The following PRKCA variants were observed in gnomAD, a reference collection of about 807,000 sequenced individuals.
The protein encoded by PRKCA is protein kinase C alpha, also known as protein kinase C alpha type.
In PRKCA, 27 loss-of-function variants were observed where a neutral mutation model predicts 87.0. The observed-to-expected ratio is 0.31, with a 90% CI of 0.23 to 0.43. The LOEUF is 0.43. Among genes scored for constraint, PRKCA ranks in the 20% least tolerant of loss-of-function variants. The pLI, the probability that PRKCA is intolerant of heterozygous loss-of-function variation, is 1.00. For synonymous variants in PRKCA, 329 were observed against 311.1 expected (o/e 1.06, Z -0.61); for missense variants, 518 against 852.3 (o/e 0.61, Z 4.88).
intron 8 of PRKCA, among the ~76,000 whole-genome samples, chr17:66,720,518 T>A (rs539147974): frequency 6.6e-6 from 1 of 152,352 alleles, no homozygotes; most frequent in South Asian, 2.1e-4. Context: ...TGTGGCTTTC[T>A]GCTTCGAAAC....
At chr17:66,474,610 G>A (rs1023095137) in intron 2 of PRKCA, among the ~76,000 whole-genome samples, 17 of 152,188 alleles carry the variant, frequency 1.1e-4, no homozygotes, top group African/African-American at 4.1e-4. Flanking sequence ...AAAATGTGCT[G>A]CAGATATTGC....
At chr17:66,369,377 G>A (rs1908959772) in intron 2 of PRKCA, among the ~76,000 whole-genome samples, 1 of 152,076 alleles carries the variant, frequency 6.6e-6, no homozygotes, top group African/African-American at 2.4e-5. Context: ...GGCACCTGGG[G>A]AGGAGGAGGG....
chr17:66,619,769 T>C (rs1276524551), intron 3 of PRKCA, among the ~76,000 whole-genome samples: 1 of 152,120 alleles, frequency 6.6e-6, no homozygotes, highest in African/African-American at 2.4e-5. Context: ...TGTATTATCT[T>C]CCCTTTAAAC....
At chr17:66,558,818 G>A (rs974629302) in intron 3 of PRKCA, among the ~76,000 whole-genome samples, 7 of 152,106 alleles carry the variant, frequency 4.6e-5, no homozygotes, top group South Asian at 2.1e-4. Context: ...AGCAGCCGAC[G>A]GTGAAGGTCT....
chr17:66,741,904 T>C (rs1974166285), intron 12 of PRKCA, among the ~76,000 whole-genome samples, 183 bp downstream of exon 12: 1 of 152,188 alleles, frequency 6.6e-6, no homozygotes, highest in Admixed American at 6.5e-5. Flanking sequence ...TTCTGATTTC[T>C]AGACCGCAAA....
At chr17:66,649,642 A>G (rs1015992116) in intron 5 of PRKCA, among the ~76,000 whole-genome samples, 1 of 152,218 alleles carries the variant, frequency 6.6e-6, no homozygotes, top group African/African-American at 2.4e-5. Flanking sequence ...CTTATTAATT[A>G]GAGTCTCCTT....
chr17:66,747,367 G>A (rs1014762230), intron 13 of PRKCA, among the ~76,000 whole-genome samples: 9 of 152,334 alleles, frequency 5.9e-5, no homozygotes, highest in Non-Finnish European at 1.3e-4. Flanking sequence ...CACTGTGCCC[G>A]GCCCTGAAGT....
At chr17:66,451,114 A>G (rs549870477) in intron 2 of PRKCA, among the ~76,000 whole-genome samples, 2 of 152,300 alleles carry the variant, frequency 1.3e-5, no homozygotes, top group South Asian at 4.1e-4. Flanking sequence ...GACTCTATTA[A>G]CCAAGTAATA....
rs1408945921 is a variant in PRKCA at position 66,318,213 on chromosome 17, T to C, written c.205+12086T>C. The stretch of plus-strand genomic sequence containing the variant: ...CTTCAATCTGAATGGCACATTAATA[T>C]GGAAAACTTCTCTAGAATTCTGTTT... On this transcript the variant is annotated intron_variant, in intron 2 of 16. Coordinates refer to ENST00000413366, the MANE Select transcript of PRKCA (RefSeq NM_002737.3). Among the ~76,000 whole-genome samples, 3 of 152,366 alleles carry C rather than the reference T, an allele frequency of 2.0e-5. No individual in the cohort carries two copies. In the East Asian group the frequency reaches 5.8e-4, roughly 29 times the overall value.
At chr17:66,793,164 T>C (rs996461891) in intron 16 of PRKCA, among the ~76,000 whole-genome samples, 1 of 152,168 alleles carries the variant, frequency 6.6e-6, no homozygotes, top group Non-Finnish European at 1.5e-5. Context: ...AAGCACAATG[T>C]GAAGCATCCT....
chr17:66,479,652 CA>C (rs1376323075), intron 2 of PRKCA, among the ~76,000 whole-genome samples: 1 of 152,178 alleles, frequency 6.6e-6, no homozygotes, highest in African/African-American at 2.4e-5. Flanking sequence ...GGTACATATA[CA>C]CCATGGAATA....
intron 2 of PRKCA, among the ~76,000 whole-genome samples, chr17:66,349,447 T>C (rs531790071): frequency 1.4e-4 from 22 of 152,276 alleles, no homozygotes; most frequent in African/African-American, 5.3e-4. Flanking sequence ...TGTGTAGACC[T>C]GGCTTGGTGA....
At chr17:66,718,247 A>T (rs1035983845) in intron 8 of PRKCA, among the ~76,000 whole-genome samples, 1 of 152,200 alleles carries the variant, frequency 6.6e-6, no homozygotes, top group African/African-American at 2.4e-5. Flanking sequence ...TGATTCACAG[A>T]TGGCATCTTC....
chr17:66,509,006 G>GT lies in PRKCA; in HGVS notation c.288+12729dup, dbSNP rs200545593. On this transcript the variant is annotated intron_variant, in intron 3 of 16. Transcript: ENST00000413366. ...ACATTAGCTTGGGAGGGTAGTGCAG[G>GT]TTTTTTACAAGGGAGTGGCAGTTTT... 5.9e-3 allele frequency among the ~76,000 whole-genome samples: 899 copies of GT among 152,164 alleles called. 5 individuals carry two copies. Among genetic ancestry groups the GT allele is most frequent in the Middle Eastern group, 0.041 (12 of 294 alleles).
chr17:66,444,493 A>C (rs111488161), intron 2 of PRKCA, among the ~76,000 whole-genome samples: 3,027 of 152,260 alleles, frequency 0.02, 104 homozygotes, highest in African/African-American at 0.068. Flanking sequence ...CAATTCTCAG[A>C]GCTAGGCTGC....
intron 8 of PRKCA, among the ~76,000 whole-genome samples, chr17:66,723,541 T>G (rs1460199682): frequency 2.0e-5 from 3 of 151,252 alleles, no homozygotes; most frequent in African/African-American, 7.3e-5. Flanking sequence ...GGCAGGAGAA[T>G]CGCTTGAACC....
chr17:66,439,264 T>G (rs961803818), intron 2 of PRKCA, among the ~76,000 whole-genome samples: 2 of 152,136 alleles, frequency 1.3e-5, no homozygotes, highest in Non-Finnish European at 2.9e-5. Context: ...CACTGCAACC[T>G]CCGCCTCCCA....
At chr17:66,789,006 C>A in intron 16 of PRKCA, 27 bp downstream of exon 16, 1 of 1,613,414 alleles carries the variant, frequency 6.2e-7, no homozygotes, top group Non-Finnish European at 8.5e-7. Context: ...AGCCTGTTTT[C>A]GGAACCCCAT....
intron 8 of PRKCA, among the ~76,000 whole-genome samples, chr17:66,714,799 A>G (rs1049413273): frequency 3.3e-5 from 5 of 152,152 alleles, no homozygotes; most frequent in African/African-American, 1.2e-4. Context: ...CCCAGATCCC[A>G]TGCTTGTCAC....
Sources: allele counts gnomAD v4.1 joint callset (sites outside exome capture counted in the v4.1 genomes callset), GRCh38; gene constraint gnomAD v4.1.1; transcripts MANE v1.5; gene names NCBI Gene and HGNC (gene_info 2026-07-23, HGNC 2026-07-21).